MYOCD: variants seen among roughly 807,000 people sequenced by gnomAD.
The protein encoded by MYOCD is myocardin.
In MYOCD, 32 loss-of-function variants were observed where a neutral mutation model predicts 96.1. That is an observed-to-expected ratio of 0.33 (90% CI 0.25 to 0.45). The LOEUF (loss-of-function observed/expected upper bound fraction) is 0.45, where lower values mean the gene tolerates loss of function less well. MYOCD is among the 20% of genes least tolerant of loss of function. The probability of loss-of-function intolerance (pLI) is 1.00; values close to 1 mark genes in which losing one functional copy is unlikely to be tolerated. For synonymous variants in MYOCD, 469 were observed against 469.0 expected, an observed-to-expected ratio of 1.00 and a Z score of 0.00; for missense variants, 1,133 against 1,200.6, an observed-to-expected ratio of 0.94 and a Z score of 0.83.
intron 9 of MYOCD, 82 bp downstream of exon 9, chr17:12,746,154 T>C: frequency 1.4e-6 from 2 of 1,438,268 alleles, no homozygotes; most frequent in Admixed American, 1.9e-5. Context: ...CCAACTGATA[T>C]CTGGAGTAAG....
Position 12,706,386 on chromosome 17 carries a change from A to G in MYOCD, c.121+1193A>G, listed in dbSNP as rs1023456442. Among the ~76,000 whole-genome samples the G allele has an allele frequency of 4.6e-5, 7 of 152,336 alleles. No individual in the cohort carries two copies. In the East Asian group the frequency reaches 1.4e-3, roughly 29 times the overall value. On this transcript the variant is annotated intron_variant, in intron 2 of 13. Transcript: ENST00000425538. Reference sequence around the variant, plus strand: ...TAGCCTTTCTTTGGAGGTGCTAAAGACAGGAAGAAACCAAAGGTCTGCGGA... The same window carrying G: ...TAGCCTTTCTTTGGAGGTGCTAAAGGCAGGAAGAAACCAAAGGTCTGCGGA...
chr17:12,707,133 T>G (rs1410178048), intron 2 of MYOCD, among the ~76,000 whole-genome samples: 1 of 152,188 alleles, frequency 6.6e-6, no homozygotes. Flanking sequence ...GGTTAGCCTC[T>G]TCAGTCCAAT....
intron 1 of MYOCD, among the ~76,000 whole-genome samples, chr17:12,692,685 T>C (rs2030512949): frequency 6.6e-6 from 1 of 152,126 alleles, no homozygotes; most frequent in Non-Finnish European, 1.5e-5. Context: ...TGTCCTTCAA[T>C]CCTGATATTT....
chr17:12,697,359 ATTTTTTTTTTTT>A (rs71144918), intron 1 of MYOCD, among the ~76,000 whole-genome samples: 1 of 75,720 alleles, frequency 1.3e-5, no homozygotes, highest in African/African-American at 6.0e-5. Context: ...ATATATATAT[ATTTTTTTTTTTT>A]TTTTTTTTTG....
chr17:12,745,303 A>G (rs578103064), intron 8 of MYOCD, among the ~76,000 whole-genome samples: 9 of 152,090 alleles, frequency 5.9e-5, no homozygotes, highest in Non-Finnish European at 7.4e-5. Context: ...TCCGCCTCCC[A>G]GGTTCAAGCG....
intron 1 of MYOCD, among the ~76,000 whole-genome samples, chr17:12,683,367 C>T (rs933817772): frequency 6.6e-6 from 1 of 152,220 alleles, no homozygotes; most frequent in Non-Finnish European, 1.5e-5. Flanking sequence ...GAGGCATCAC[C>T]GGCTTCCCCT....
At chr17:12,752,034 T>C (rs1470671708) in intron 9 of MYOCD, among the ~76,000 whole-genome samples, 1 of 152,118 alleles carries the variant, frequency 6.6e-6, no homozygotes, top group African/African-American at 2.4e-5. Context: ...CTGCAGACTT[T>C]GCTGTACTTC....
chr17:12,716,985 C>CAAAAA (rs56992216), intron 3 of MYOCD, among the ~76,000 whole-genome samples: 8 of 112,936 alleles, frequency 7.1e-5, no homozygotes, highest in Non-Finnish European at 1.0e-4. Flanking sequence ...GATGCTGTCT[C>CAAAAA]AAAAAAAAAA....
rs118140049 is a variant in MYOCD, at chr17:12,760,783, A to G, written c.2389+76A>G. Reference sequence around the variant, plus strand: ...TCTAAGGAATGAACTCTCGGTACCAAGATCAGATGCACACTGTGAGTTGGA... The same window carrying G: ...TCTAAGGAATGAACTCTCGGTACCAGGATCAGATGCACACTGTGAGTTGGA... On this transcript the variant is annotated intron_variant, in intron 13 of 13. Transcript: ENST00000425538. The G allele has an allele frequency of 3.3e-3, 3,921 of 1,186,580 alleles. 4 individuals carry two copies. Among genetic ancestry groups the G allele is most frequent in the Non-Finnish European group, 3.8e-3 (3,038 of 798,318 alleles). 73.5% of individuals were successfully genotyped at this position (1,186,580 alleles called of 1,614,324 possible). A position where few individuals can be genotyped will look rare whatever the true frequency, so the allele number is the denominator to read the frequency against.
chr17:12,702,665 CATTGTTTCAATT>C (rs2031126343), intron 1 of MYOCD, among the ~76,000 whole-genome samples: 1 of 97,492 alleles, frequency 1.0e-5, no homozygotes, highest in African/African-American at 3.9e-5. Context: ...ATATTTTTAG[CATTGTTTCAATT>C]TATTGGGTTT....
At chr17:12,710,482 A>ATT (rs11392918) in intron 2 of MYOCD, 118 of 975,306 alleles carry the variant, frequency 1.2e-4, no homozygotes, top group Middle Eastern at 5.3e-4. Flanking sequence ...TGCTGCCTTT[A>ATT]TTTTTTTTGC....
At chr17:12,745,816 C>A in intron 8 of MYOCD, 103 bp from the exon 9 acceptor site, 3 of 1,218,762 alleles carry the variant, frequency 2.5e-6, no homozygotes, top group Non-Finnish European at 3.5e-6. Flanking sequence ...TGGTTTATTA[C>A]ATGCCTGACC....
intron 4 of MYOCD, among the ~76,000 whole-genome samples, chr17:12,720,033 G>A (rs1304710483): frequency 6.6e-6 from 1 of 152,068 alleles, no homozygotes; most frequent in Non-Finnish European, 1.5e-5. Context: ...GTCGTTAGCT[G>A]TACCTGGAAG....
In MYOCD at chr17:12,760,691, G is replaced by C. The variant is rs771963357; in HGVS notation, c.2373G>C (p.Val791=). ...AGCAGATGGATGAACTCCTGGACGT[G>C]CTTATTGAAAGCGGAGGTAAGACTG... The part of the protein sequence containing the change: ...RSQQMDELLD[V]LIESGEMPAD... The change falls in exon 13 of 14, where the codon GTG becomes GTC. Residue 791 remains valine (V), a synonymous_variant. Coordinates refer to ENST00000425538, the MANE Select transcript of MYOCD (RefSeq NM_001146312.3). 6.2e-7 allele frequency: 1 copy of C among 1,613,948 alleles called. No homozygotes were observed. The highest frequency in any genetic ancestry group is 1.1e-5 in the South Asian group (1 of 91,042).
At position 12,705,343 on chromosome 17, in the gene MYOCD, G is replaced by A. The variant is rs1024365390; in HGVS notation, c.121+150G>A. 2.4e-5 allele frequency: 14 copies of A among 576,736 alleles called. No individual in the cohort carries two copies. The African/African-American group carries it at 2.7e-4, about 11-fold the overall frequency. The allele number at this position is 576,736 out of a possible 1,614,324, so 35.7% of individuals were successfully genotyped here. On this transcript the variant is annotated intron_variant, in intron 2 of 13. Transcript: ENST00000425538. Reference sequence around the variant, plus strand: ...GTATCAGCAGAAATCCCAGACCTTGGATGCTTTGCCCCGACTGCTACCTAC... The same window carrying A: ...GTATCAGCAGAAATCCCAGACCTTGAATGCTTTGCCCCGACTGCTACCTAC...
chr17:12,740,875 A>T (rs2032485852), intron 7 of MYOCD, among the ~76,000 whole-genome samples: 1 of 152,104 alleles, frequency 6.6e-6, no homozygotes, highest in African/African-American at 2.4e-5. Flanking sequence ...AGTAGCTGGG[A>T]GTATAGGTGC....
At chr17:12,759,913 C>T (rs1020280264) in intron 12 of MYOCD, among the ~76,000 whole-genome samples, 3 of 152,206 alleles carry the variant, frequency 2.0e-5, no homozygotes, top group Non-Finnish European at 4.4e-5. Context: ...CTCTAAAGTA[C>T]CCTGTGCTAG....
At chr17:12,713,647 A>G (rs778601311) in intron 2 of MYOCD, among the ~76,000 whole-genome samples, 1 of 152,196 alleles carries the variant, frequency 6.6e-6, no homozygotes, top group Admixed American at 6.5e-5. Context: ...GATTGTGTAG[A>G]TCCACAATGG....
At chr17:12,686,550 C>G (rs1025576667) in intron 1 of MYOCD, among the ~76,000 whole-genome samples, 1 of 152,196 alleles carries the variant, frequency 6.6e-6, no homozygotes, top group East Asian at 1.9e-4. Flanking sequence ...TCTAACTGTA[C>G]AACACTCAAG....
Sources: gnomAD v4.1 joint callset for allele counts (sites outside exome capture counted in the v4.1 genomes callset) on GRCh38, gnomAD v4.1.1 for gene constraint, MANE v1.5 for transcripts, NCBI Gene and HGNC (gene_info 2026-07-23, HGNC 2026-07-21) for gene names.